Variants in STXBP5L observed in about 807,000 individuals in gnomAD.
STXBP5L encodes syntaxin-binding protein 5-like.
STXBP5L carries 65 observed loss-of-function variants against 144.5 expected under a neutral mutation model. The observed-to-expected ratio is 0.45, with a 90% confidence interval of 0.37 to 0.55. STXBP5L has a LOEUF of 0.55. Among genes scored for constraint, STXBP5L ranks in the 20% least tolerant of loss-of-function variants. STXBP5L has a pLI of 0.00. For synonymous variants in STXBP5L, 505 were observed against 469.6 expected, an observed-to-expected ratio of 1.08 and a Z score of -0.97; for missense variants, 1,298 against 1,405.5, an observed-to-expected ratio of 0.92 and a Z score of 1.22.
At chr3:121,125,673 T>C (rs926278348) in intron 7 of STXBP5L, among the ~76,000 whole-genome samples, 1 of 152,134 alleles carries the variant, frequency 6.6e-6, no homozygotes, top group Non-Finnish European at 1.5e-5. Context: ...ACAAATGCTC[T>C]CCCAAACAAC....
intron 5 of STXBP5L, among the ~76,000 whole-genome samples, chr3:121,093,104 G>A (rs1364793616): frequency 1.3e-5 from 2 of 152,206 alleles, no homozygotes; most frequent in East Asian, 3.8e-4. Flanking sequence ...AACCAGCCTT[G>A]CATCCCAGGG....
At chr3:121,148,947 G>C (rs1051151004) in intron 7 of STXBP5L, among the ~76,000 whole-genome samples, 1 of 152,032 alleles carries the variant, frequency 6.6e-6, no homozygotes, top group Non-Finnish European at 1.5e-5. Flanking sequence ...AATAGAAATA[G>C]AAGCAAGAAA....
chr3:121,408,031 G>C (rs950197631), intron 23 of STXBP5L, among the ~76,000 whole-genome samples: 2 of 151,898 alleles, frequency 1.3e-5, no homozygotes, highest in African/African-American at 2.4e-5. Flanking sequence ...AGTTTCATTT[G>C]ATCCTTAGAA....
chr3:121,343,120 T>G (rs1440370249), intron 20 of STXBP5L, among the ~76,000 whole-genome samples: 1 of 152,182 alleles, frequency 6.6e-6, no homozygotes, highest in Admixed American at 6.6e-5. Flanking sequence ...TTTTTTCCTG[T>G]GTTTTTTGGC....
chr3:120,965,248 G>A (rs933588290), intron 3 of STXBP5L, among the ~76,000 whole-genome samples: 2 of 152,158 alleles, frequency 1.3e-5, no homozygotes, highest in African/African-American at 4.8e-5. Context: ...GCCAGTCTGT[G>A]TCTTTTAATT....
chr3:120,920,623 A>T lies in STXBP5L; in HGVS notation c.189+10856A>T, dbSNP rs72964800. 2.5e-3 allele frequency among the ~76,000 whole-genome samples: 380 copies of T among 151,886 alleles called. 2 individuals are homozygous for T. The highest frequency in any genetic ancestry group is 8.6e-3 in the African/African-American group (357 of 41,512). Reference sequence around the variant, plus strand: ...CTTGATTCAAAATATATATATTTGTACCCATTAATCAACTTGTCTTCATTT... The same window carrying T: ...CTTGATTCAAAATATATATATTTGTTCCCATTAATCAACTTGTCTTCATTT... On this transcript the variant is annotated intron_variant, in intron 2 of 26. Transcript: ENST00000471454.
At chr3:121,254,741 A>G (rs2050150871) in intron 15 of STXBP5L, among the ~76,000 whole-genome samples, 154 bp from the exon 16 acceptor site, 1 of 152,188 alleles carries the variant, frequency 6.6e-6, no homozygotes, top group African/African-American at 2.4e-5. Context: ...TACTGATATG[A>G]AAGCGTGGCA....
At chr3:121,227,125 AG>A (rs1433717018) in intron 11 of STXBP5L, among the ~76,000 whole-genome samples, 1 of 152,206 alleles carries the variant, frequency 6.6e-6, no homozygotes, top group African/African-American at 2.4e-5. Context: ...TCAAGTAGGG[AG>A]AAAAAGCAAA....
intron 8 of STXBP5L, among the ~76,000 whole-genome samples, chr3:121,153,756 A>T (rs980552110): frequency 2.6e-5 from 4 of 151,942 alleles, no homozygotes; most frequent in Non-Finnish European, 5.9e-5. Context: ...CAGCTGGGTA[A>T]TTTTTTCACA....
intron 9 of STXBP5L, among the ~76,000 whole-genome samples, chr3:121,172,570 A>G (rs2046766822): frequency 6.6e-6 from 1 of 152,254 alleles, no homozygotes; most frequent in Non-Finnish European, 1.5e-5. Flanking sequence ...GCCAACAAAC[A>G]TATGAAAAAC....
chr3:121,142,595 G>A (rs1184775707), intron 7 of STXBP5L, among the ~76,000 whole-genome samples: 2 of 151,748 alleles, frequency 1.3e-5, no homozygotes, highest in African/African-American at 4.8e-5. Context: ...ATCAATAGTG[G>A]AAGAAAACTC....
At chr3:121,347,734 T>A (rs2045063518) in intron 20 of STXBP5L, among the ~76,000 whole-genome samples, 1 of 152,180 alleles carries the variant, frequency 6.6e-6, no homozygotes, top group African/African-American at 2.4e-5. Context: ...GAATGGGAGT[T>A]CACTCATGAT....
At chr3:120,918,779 A>T (rs1295526217) in intron 2 of STXBP5L, among the ~76,000 whole-genome samples, 1 of 152,162 alleles carries the variant, frequency 6.6e-6, no homozygotes, top group Non-Finnish European at 1.5e-5. Flanking sequence ...CTTGGCTTGA[A>T]GTTATCTTAA....
At chr3:120,970,203 C>A (rs1201688157) in intron 3 of STXBP5L, among the ~76,000 whole-genome samples, 2 of 152,038 alleles carry the variant, frequency 1.3e-5, no homozygotes, top group Non-Finnish European at 2.9e-5. Context: ...AGCCTTCATA[C>A]TCAAGATGTA....
chr3:121,005,400 C>A lies in STXBP5L; in HGVS notation c.288-36300C>A, dbSNP rs148573959. On this transcript the variant is annotated intron_variant, in intron 3 of 26. Coordinates refer to ENST00000471454, the MANE Select transcript of STXBP5L (RefSeq NM_001308330.2). The stretch of plus-strand genomic sequence containing the variant: ...TTTCTGTGTGAACGGTGGTGATATC[C>A]CCTTTATCATGTTTTATTGCGTCTA... Among the ~76,000 whole-genome samples, 25 of 152,022 alleles carry A rather than the reference C, an allele frequency of 1.6e-4. No homozygotes were observed. The South Asian group carries it at 4.2e-3, about 25-fold the overall frequency.
intron 20 of STXBP5L, among the ~76,000 whole-genome samples, chr3:121,353,564 C>T (rs190253852): frequency 1.4e-4 from 21 of 151,828 alleles, no homozygotes; most frequent in African/African-American, 5.1e-4. Context: ...CTATTTGATT[C>T]TTCTCTCTTT....
chr3:121,181,108 AAAG>A (rs745411930), intron 9 of STXBP5L, among the ~76,000 whole-genome samples: 5 of 150,612 alleles, frequency 3.3e-5, no homozygotes, highest in African/African-American at 9.8e-5. Context: ...CTTGAAAAGA[AAAG>A]AAGAAAACAA....
At chr3:121,209,920 A>T (rs1178958077) in intron 10 of STXBP5L, among the ~76,000 whole-genome samples, 1 of 152,258 alleles carries the variant, frequency 6.6e-6, no homozygotes, top group African/African-American at 2.4e-5. Context: ...TTATAGCAGC[A>T]TGATTTATAA....
At chr3:121,076,647 C>G (rs2042030602) in intron 5 of STXBP5L, among the ~76,000 whole-genome samples, 1 of 152,156 alleles carries the variant, frequency 6.6e-6, no homozygotes, top group Non-Finnish European at 1.5e-5. Flanking sequence ...ATCTCCCTGT[C>G]TATTTTCCCC....
Sources: gnomAD v4.1 joint callset for allele counts (sites outside exome capture counted in the v4.1 genomes callset) on GRCh38, gnomAD v4.1.1 for gene constraint, MANE v1.5 for transcripts, NCBI Gene and HGNC (gene_info 2026-07-23, HGNC 2026-07-21) for gene names.